The following SLC25A21 variants were observed in gnomAD, a reference collection of about 807,000 sequenced individuals.
SLC25A21 encodes mitochondrial 2-oxodicarboxylate carrier.
In SLC25A21, 47 loss-of-function variants were observed where a neutral mutation model predicts 43.8. The ratio of observed to expected loss-of-function variants is 1.07; its 90% CI spans 0.85 to 1.37. The LOEUF (loss-of-function observed/expected upper bound fraction) is 1.37. Ranked by LOEUF, SLC25A21 falls within the 40% of genes most tolerant of loss-of-function variation. SLC25A21 has a pLI of 0.00. For missense variants in SLC25A21, 352 were observed against 350.2 expected, an observed-to-expected ratio of 1.00 and a Z score of -0.04; for synonymous variants, 131 against 121.3, an observed-to-expected ratio of 1.08 and a Z score of -0.52.
intron 1 of SLC25A21, among the ~76,000 whole-genome samples, chr14:36,911,228 T>A (rs369802904): frequency 2.0e-5 from 3 of 152,222 alleles, no homozygotes; most frequent in African/African-American, 7.2e-5. Context: ...AATCAGAAAC[T>A]GTTACATGTA....
At chr14:37,029,761 T>G (rs1961169545) in intron 1 of SLC25A21, among the ~76,000 whole-genome samples, 1 of 82,574 alleles carries the variant, frequency 1.2e-5, no homozygotes, top group South Asian at 3.0e-4. Context: ...TAGCCGACTT[T>G]TTTTTTTTTT....
chr14:36,989,222 A>G (rs1443790894), intron 1 of SLC25A21, among the ~76,000 whole-genome samples: 2 of 152,122 alleles, frequency 1.3e-5, no homozygotes, highest in South Asian at 4.1e-4. Flanking sequence ...CCTACAGTAC[A>G]TTCAGTCCTC....
At chr14:36,762,778 T>C (rs368396983) in intron 3 of SLC25A21, among the ~76,000 whole-genome samples, 1 of 152,190 alleles carries the variant, frequency 6.6e-6, no homozygotes, top group Non-Finnish European at 1.5e-5. Context: ...TAGGGATTCA[T>C]TGAAGGAATG....
chr14:36,992,102 T>A (rs1223565407), intron 1 of SLC25A21, among the ~76,000 whole-genome samples: 1 of 152,210 alleles, frequency 6.6e-6, no homozygotes, highest in Non-Finnish European at 1.5e-5. Context: ...GGCCGAGCAC[T>A]TTGCAACTTG....
chr14:36,897,840 A>G (rs1891287804), intron 1 of SLC25A21, among the ~76,000 whole-genome samples: 1 of 152,222 alleles, frequency 6.6e-6, no homozygotes, highest in Non-Finnish European at 1.5e-5. Context: ...CAGAGGCTGC[A>G]GAACAGCAGA....
At chr14:36,771,142 C>G (rs1886603934) in intron 3 of SLC25A21, among the ~76,000 whole-genome samples, 1 of 152,110 alleles carries the variant, frequency 6.6e-6, no homozygotes, top group African/African-American at 2.4e-5. Flanking sequence ...ATCTGACAGC[C>G]CATCTGGTCT....
chr14:37,100,633 A>G (rs916546604), intron 1 of SLC25A21, among the ~76,000 whole-genome samples: 1 of 152,162 alleles, frequency 6.6e-6, no homozygotes, highest in Admixed American at 6.5e-5. Flanking sequence ...CCCACACCCA[A>G]CACCATTCAG....
intron 1 of SLC25A21, among the ~76,000 whole-genome samples, chr14:37,125,298 G>A (rs924361209): frequency 1.3e-5 from 2 of 152,170 alleles, no homozygotes; most frequent in Non-Finnish European, 2.9e-5. Flanking sequence ...ATATAGAATG[G>A]AGTGATACTT....
intron 3 of SLC25A21, among the ~76,000 whole-genome samples, chr14:36,784,773 C>A (rs1257476425): frequency 6.6e-6 from 1 of 152,296 alleles, no homozygotes; most frequent in Non-Finnish European, 1.5e-5. Flanking sequence ...CTGTGTGAGT[C>A]TTACCATGTG....
chr14:37,081,552 T>C (rs1035468637), intron 1 of SLC25A21, among the ~76,000 whole-genome samples: 1 of 152,214 alleles, frequency 6.6e-6, no homozygotes, highest in Non-Finnish European at 1.5e-5. Flanking sequence ...GAATTTCTGA[T>C]TGGTTAATTT....
At chr14:36,866,876 A>T (rs1890228035) in intron 2 of SLC25A21, among the ~76,000 whole-genome samples, 2 of 152,226 alleles carry the variant, frequency 1.3e-5, no homozygotes, top group South Asian at 4.1e-4. Context: ...ATGTTGATTA[A>T]TATGTTGCTA....
chr14:36,904,140 G>C (rs894717695), intron 1 of SLC25A21, among the ~76,000 whole-genome samples: 7 of 152,198 alleles, frequency 4.6e-5, no homozygotes, highest in African/African-American at 1.7e-4. Context: ...CCAAGAAAGA[G>C]GCAGGTGATG....
At position 36,679,000 on chromosome 14, in the gene SLC25A21, T is replaced by TAA. The variant is rs1882049875; in HGVS notation, c.*1656_*1657dup. On this transcript the variant is annotated 3_prime_UTR_variant, in exon 10 of 10. Coordinates refer to ENST00000331299, the MANE Select transcript of SLC25A21 (RefSeq NM_030631.4). Reference sequence around the variant, plus strand: ...CATATTTCCTCTATCTCATAGATGGTAAAAGTGTTGCTTTTAAACTGGCAA... The same window carrying TAA: ...CATATTTCCTCTATCTCATAGATGGTAAAAAAGTGTTGCTTTTAAACTGGCAA... 8 of 947,540 alleles carry TAA rather than the reference T, an allele frequency of 8.4e-6. No homozygotes were observed. Among genetic ancestry groups the TAA allele is most frequent in the South Asian group, 5.0e-5 (1 of 19,920 alleles). The allele number at this position is 947,540 out of a possible 1,614,324, so 58.7% of individuals were successfully genotyped here.
At chr14:36,977,526 T>C (rs1036545790) in intron 1 of SLC25A21, among the ~76,000 whole-genome samples, 2 of 152,194 alleles carry the variant, frequency 1.3e-5, no homozygotes, top group African/African-American at 2.4e-5. Context: ...ATCACTGCCA[T>C]GGCCTCCTAC....
At chr14:37,152,374 C>T (rs1213706071) in intron 1 of SLC25A21, among the ~76,000 whole-genome samples, 2 of 135,880 alleles carry the variant, frequency 1.5e-5, no homozygotes, top group Non-Finnish European at 3.1e-5. Flanking sequence ...CTCTCAATTT[C>T]ATTTTATTTC....
rs138948436 is a variant in SLC25A21 at position 37,066,431 on chromosome 14, G to A, written c.70+105850C>T. ...CACTGGAGAGGAATAAAATGATATCGAGGACATCACTGAGTCAACTGAAAA... is the reference window on the plus strand; with the variant it reads ...CACTGGAGAGGAATAAAATGATATCAAGGACATCACTGAGTCAACTGAAAA... On this transcript the variant is annotated intron_variant, in intron 1 of 9. Transcript: ENST00000331299. 3.3e-5 allele frequency among the ~76,000 whole-genome samples: 5 copies of A among 152,164 alleles called. No homozygotes were observed. In the East Asian group the frequency reaches 7.7e-4, roughly 24 times the overall value.
chr14:36,867,628 G>A (rs1048335593), intron 2 of SLC25A21, among the ~76,000 whole-genome samples: 3 of 152,130 alleles, frequency 2.0e-5, no homozygotes, highest in African/African-American at 7.2e-5. Context: ...TACATAACAC[G>A]TAAGTCTTGT....
intron 1 of SLC25A21, among the ~76,000 whole-genome samples, chr14:37,129,856 A>C (rs1963362969): frequency 6.6e-6 from 1 of 151,746 alleles, no homozygotes; most frequent in Non-Finnish European, 1.5e-5. Context: ...ATCCTATTCT[A>C]ATTATTTCAT....
At chr14:36,737,630 C>T (rs933998353) in intron 3 of SLC25A21, among the ~76,000 whole-genome samples, 2 of 152,156 alleles carry the variant, frequency 1.3e-5, no homozygotes, top group African/African-American at 4.8e-5. Flanking sequence ...AGGTCAGCAC[C>T]GCTTCTGCTG....
Sources: gnomAD v4.1 joint callset for allele counts (sites outside exome capture counted in the v4.1 genomes callset) on GRCh38, gnomAD v4.1.1 for gene constraint, MANE v1.5 for transcripts, NCBI Gene and HGNC (gene_info 2026-07-23, HGNC 2026-07-21) for gene names.